Variants in ADAMTS12 observed in about 807,000 individuals in gnomAD.
ADAMTS12 encodes the protein A disintegrin and metalloproteinase with thrombospondin motifs 12.
ADAMTS12 carries 118 observed loss-of-function variants against 167.8 expected under a neutral mutation model. That is an observed-to-expected ratio of 0.70 (90% CI 0.61 to 0.82). The LOEUF (loss-of-function observed/expected upper bound fraction) is 0.82. Ranked by LOEUF, ADAMTS12 falls within the 40% of genes least tolerant of loss-of-function variation. The pLI is 0.00. For missense variants in ADAMTS12, 1,916 were observed against 1,998.8 expected, an observed-to-expected ratio of 0.96 and a Z score of 0.79; for synonymous variants, 704 against 716.9, an observed-to-expected ratio of 0.98 and a Z score of 0.29.
At chr5:33,755,438 T>A (rs1280924511) in intron 2 of ADAMTS12, among the ~76,000 whole-genome samples, 1 of 152,190 alleles carries the variant, frequency 6.6e-6, no homozygotes, top group Non-Finnish European at 1.5e-5. Context: ...TTCAGAACAG[T>A]CCCAGAGTGA....
At position 33,637,628 on chromosome 5, in the gene ADAMTS12, T is replaced by C; in HGVS notation, c.1837A>G (p.Thr613Ala). ...TAGAGTTCATTCTTGTAGGGAACAG[T>C]GTCAAATTCACTGCACTGCATCTGC... is the stretch of plus-strand genomic sequence containing the variant. ...FRQMQCSEFD[T>A]VPYKNELYHW... The change falls in exon 12 of 24, where the codon ACT becomes GCT. Residue 613 changes from threonine to alanine, a missense_variant. Physicochemically the swap from Thr to Ala is moderately conservative, Grantham distance 58. Coordinates refer to ENST00000504830, the MANE Select transcript of ADAMTS12 (RefSeq NM_030955.4). 1 of 1,613,750 alleles carries C rather than the reference T, an allele frequency of 6.2e-7. No homozygotes were observed. Among genetic ancestry groups the C allele is most frequent in the East Asian group, 2.2e-5 (1 of 44,864 alleles).
intron 16 of ADAMTS12, among the ~76,000 whole-genome samples, chr5:33,604,841 A>G (rs1036784527): frequency 2.6e-5 from 4 of 152,300 alleles, no homozygotes; most frequent in Non-Finnish European, 1.5e-5. Context: ...GAAAAAAGAA[A>G]AAGCCACTAA....
chr5:33,785,837 C>T (rs1157188073), intron 2 of ADAMTS12, among the ~76,000 whole-genome samples: 7 of 152,132 alleles, frequency 4.6e-5, no homozygotes, highest in Admixed American at 3.3e-4. Flanking sequence ...AGAAATGAAG[C>T]GTGTATTCAC....
At chr5:33,725,632 C>G (rs953751446) in intron 3 of ADAMTS12, among the ~76,000 whole-genome samples, 3 of 152,206 alleles carry the variant, frequency 2.0e-5, no homozygotes, top group African/African-American at 7.2e-5. Context: ...TTGGGCACAA[C>G]TCAAAGCCTG....
At chr5:33,853,793 T>C (rs1308793348) in intron 2 of ADAMTS12, among the ~76,000 whole-genome samples, 1 of 152,228 alleles carries the variant, frequency 6.6e-6, no homozygotes. Context: ...TTAATGCACA[T>C]ACAAATCACC....
At chr5:33,852,228 C>T (rs750819661) in intron 2 of ADAMTS12, among the ~76,000 whole-genome samples, 10 of 152,058 alleles carry the variant, frequency 6.6e-5, no homozygotes, top group Non-Finnish European at 1.0e-4. Flanking sequence ...CCTTAGAGAT[C>T]GGCTGAGAAT....
chr5:33,757,250 C>A (rs1343801050), intron 2 of ADAMTS12, among the ~76,000 whole-genome samples: 1 of 152,206 alleles, frequency 6.6e-6, no homozygotes, highest in South Asian at 2.1e-4. Context: ...ATTGGGAACA[C>A]CCGTGCACTG....
At chr5:33,723,178 C>T (rs1743863745) in intron 3 of ADAMTS12, among the ~76,000 whole-genome samples, 1 of 152,162 alleles carries the variant, frequency 6.6e-6, no homozygotes, top group African/African-American at 2.4e-5. Flanking sequence ...ACCTCCCCTC[C>T]CCATTTTACT....
rs542279923 is a variant in ADAMTS12 at position 33,779,995 on chromosome 5, C to CA, written c.490-28448dup. 6.6e-5 allele frequency among the ~76,000 whole-genome samples: 10 copies of CA among 152,182 alleles called. No homozygotes were observed. In the South Asian group the frequency reaches 2.1e-3, roughly 32 times the overall value. ...GAGTAGATCTTACATGTTTTTACTA[C>CA]AAAAAATGATAACTGTGAGATGATG... On this transcript the variant is annotated intron_variant, in intron 2 of 23. Transcript: ENST00000504830.
At chr5:33,527,432 A>G (rs541926446) in intron 23 of ADAMTS12, 66 bp from the exon 24 acceptor site, 13 of 1,478,308 alleles carry the variant, frequency 8.8e-6, no homozygotes, top group African/African-American at 5.6e-5. Context: ...TACAAGCACA[A>G]CTTCTATTAA....
At chr5:33,704,508 C>T (rs1019448849) in intron 3 of ADAMTS12, among the ~76,000 whole-genome samples, 5 of 152,082 alleles carry the variant, frequency 3.3e-5, no homozygotes, top group African/African-American at 1.2e-4. Flanking sequence ...CACTAGCATT[C>T]ATTTTCCTTT....
At chr5:33,879,436 C>T (rs762251794) in intron 2 of ADAMTS12, among the ~76,000 whole-genome samples, 1 of 152,092 alleles carries the variant, frequency 6.6e-6, no homozygotes, top group Non-Finnish European at 1.5e-5. Flanking sequence ...CATAATGCTT[C>T]CAGGGTTGTC....
chr5:33,529,941 G>T (rs1389457161), intron 23 of ADAMTS12, among the ~76,000 whole-genome samples: 1 of 152,088 alleles, frequency 6.6e-6, no homozygotes, highest in Non-Finnish European at 1.5e-5. Context: ...TTTGTATTTT[G>T]AGACGGTTCC....
At chr5:33,644,341 C>A (rs553404317) in intron 9 of ADAMTS12, among the ~76,000 whole-genome samples, 1 of 152,136 alleles carries the variant, frequency 6.6e-6, no homozygotes, top group African/African-American at 2.4e-5. Flanking sequence ...ACCGAAGAAA[C>A]TTTCTCCTCC....
intron 2 of ADAMTS12, among the ~76,000 whole-genome samples, chr5:33,794,284 G>C (rs1447946116): frequency 6.6e-6 from 1 of 152,146 alleles, no homozygotes; most frequent in Non-Finnish European, 1.5e-5. Flanking sequence ...TGTCTCTTCC[G>C]GTCCTGCAGG....
chr5:33,774,896 A>G (rs1745864174), intron 2 of ADAMTS12, among the ~76,000 whole-genome samples: 1 of 152,216 alleles, frequency 6.6e-6, no homozygotes, highest in African/African-American at 2.4e-5. Flanking sequence ...ATGTTTATAT[A>G]AGAATCACAT....
intron 18 of ADAMTS12, among the ~76,000 whole-genome samples, chr5:33,578,315 T>C (rs1160808737): frequency 6.6e-6 from 1 of 152,222 alleles, no homozygotes. Context: ...GAACTGTTAT[T>C]CTGCCTCCCA....
intron 3 of ADAMTS12, among the ~76,000 whole-genome samples, chr5:33,712,259 T>A (rs1483414905): frequency 6.6e-6 from 1 of 152,122 alleles, no homozygotes; most frequent in Non-Finnish European, 1.5e-5. Context: ...AAAACCTCAC[T>A]GTCAATTAAC....
chr5:33,611,915 G>A (rs1738746655), intron 16 of ADAMTS12, among the ~76,000 whole-genome samples: 1 of 152,152 alleles, frequency 6.6e-6, no homozygotes, highest in Non-Finnish European at 1.5e-5. Flanking sequence ...AAGCAAAGTA[G>A]CAAAAGTGCA....
Sources: allele counts gnomAD v4.1 joint callset (sites outside exome capture counted in the v4.1 genomes callset), GRCh38; gene constraint gnomAD v4.1.1; transcripts MANE v1.5; gene names NCBI Gene and HGNC (gene_info 2026-07-23, HGNC 2026-07-21).